The following SCAI variants were observed in gnomAD, a reference collection of about 807,000 sequenced individuals.
SCAI encodes the protein protein SCAI.
Under a neutral mutation model 92.2 loss-of-function variants are expected in SCAI, and 24 were observed. The observed-to-expected ratio is 0.26, with a 90% CI of 0.19 to 0.37. The LOEUF is 0.37. Among genes scored for constraint, SCAI ranks in the 10% least tolerant of loss-of-function variants. SCAI has a pLI of 1.00. For missense variants in SCAI, 450 were observed against 736.2 expected (o/e 0.61, Z 4.50); for synonymous variants, 261 against 258.6 (o/e 1.01, Z -0.09).
At chr9:125,011,610 C>CA (rs766611509) in intron 9 of SCAI, among the ~76,000 whole-genome samples, 12 of 152,240 alleles carry the variant, frequency 7.9e-5, no homozygotes, top group Admixed American at 3.9e-4. Context: ...AAACACTCTG[C>CA]GGATATTATC....
At chr9:125,124,350 A>G (rs1353970714) in intron 2 of SCAI, among the ~76,000 whole-genome samples, 2 of 152,182 alleles carry the variant, frequency 1.3e-5, no homozygotes, top group Admixed American at 6.6e-5. Context: ...TGGAGGCTGA[A>G]AAGTCCCAAG....
chr9:125,077,590 A>T (rs1342059754), intron 2 of SCAI, among the ~76,000 whole-genome samples: 1 of 152,234 alleles, frequency 6.6e-6, no homozygotes, highest in East Asian at 1.9e-4. Context: ...GTACTTCTCC[A>T]CATCCTCAAC....
chr9:125,117,087 T>C (rs536875389), intron 2 of SCAI, among the ~76,000 whole-genome samples: 1 of 152,324 alleles, frequency 6.6e-6, no homozygotes, highest in Admixed American at 6.5e-5. Context: ...AAGAGGTTTT[T>C]TTTCACTCAG....
At chr9:125,009,549 T>C (rs938020554) in intron 9 of SCAI, among the ~76,000 whole-genome samples, 7 of 151,320 alleles carry the variant, frequency 4.6e-5, no homozygotes, top group Non-Finnish European at 8.8e-5. Flanking sequence ...TGAGCCACCA[T>C]GCCCAAAGGC....
At chr9:125,004,444 T>C (rs1426081843) in intron 9 of SCAI, among the ~76,000 whole-genome samples, 1 of 150,938 alleles carries the variant, frequency 6.6e-6, no homozygotes, top group Non-Finnish European at 1.5e-5. Context: ...TTCTCCTGCC[T>C]CAGTCTCTGG....
chr9:125,083,517 CAA>C (rs560240303), intron 2 of SCAI, among the ~76,000 whole-genome samples: 10 of 49,146 alleles, frequency 2.0e-4, no homozygotes, highest in Admixed American at 2.2e-4. Flanking sequence ...GACTCCATCT[CAA>C]AAAAAAAAAA....
chr9:125,054,370 G>A (rs978049885), intron 3 of SCAI, among the ~76,000 whole-genome samples: 1 of 152,184 alleles, frequency 6.6e-6, no homozygotes, highest in Non-Finnish European at 1.5e-5. Flanking sequence ...GCTGAGGCTT[G>A]CTGTGAGCAG....
At chr9:125,001,865 T>G in intron 12 of SCAI, 100 bp downstream of exon 12, 4 of 776,878 alleles carry the variant, frequency 5.1e-6, no homozygotes, top group Non-Finnish European at 8.5e-6. Context: ...GAAGTCTGTC[T>G]AGAAAGGCTG....
At chr9:125,021,428 A>G (rs1022296051) in intron 6 of SCAI, among the ~76,000 whole-genome samples, 3 of 152,122 alleles carry the variant, frequency 2.0e-5, no homozygotes, top group African/African-American at 7.2e-5. Flanking sequence ...GGTTAATCAA[A>G]TATTTTTTAG....
chr9:124,978,391 A>G (rs1831806087), intron 14 of SCAI, among the ~76,000 whole-genome samples: 1 of 152,224 alleles, frequency 6.6e-6, no homozygotes, highest in African/African-American at 2.4e-5. Flanking sequence ...CAGGGAGCCA[A>G]GATCGCACCA....
At chr9:125,046,552 C>G (rs1014440587) in intron 3 of SCAI, among the ~76,000 whole-genome samples, 1 of 149,986 alleles carries the variant, frequency 6.7e-6, no homozygotes, top group South Asian at 2.1e-4. Context: ...GGGACTCTCA[C>G]GATAGGGTAG....
At chr9:125,042,634 T>TGTGTGTACACACAC (rs761672178) in intron 3 of SCAI, among the ~76,000 whole-genome samples, 21 of 96,216 alleles carry the variant, frequency 2.2e-4, no homozygotes, top group African/African-American at 7.8e-4. Flanking sequence ...TGTGTGTGTG[T>TGTGTGTACACACAC]ACACACACAC....
At chr9:125,077,132 CCA>C (rs1834106766) in intron 2 of SCAI, among the ~76,000 whole-genome samples, 1 of 152,194 alleles carries the variant, frequency 6.6e-6, no homozygotes, top group Non-Finnish European at 1.5e-5. Flanking sequence ...GAGCCAGTCC[CCA>C]CTCATATGGT....
chr9:125,037,572 C>G (rs539799027), intron 3 of SCAI, among the ~76,000 whole-genome samples: 29 of 152,228 alleles, frequency 1.9e-4, no homozygotes, highest in African/African-American at 7.0e-4. Flanking sequence ...AATTGTATTT[C>G]TGTTTCATTG....
rs140383735 is a variant in SCAI, at chr9:125,109,770, G to A, written c.98+32863C>T. ...GATGTGATCTCGGCTCACTGCAACC[G>A]CCACCTTCCAGGTTCAAGCAATTCT... On this transcript the variant is annotated intron_variant, in intron 2 of 17. Coordinates refer to ENST00000336505, the MANE Select transcript of SCAI (RefSeq NM_001144877.3). Among the ~76,000 whole-genome samples the A allele has an allele frequency of 5.7e-3, 860 of 152,024 alleles. 11 individuals carry two copies. Among genetic ancestry groups the A allele is most frequent in the African/African-American group, 0.019 (804 of 41,456 alleles).
At chr9:125,092,777 C>T (rs1834461719) in intron 2 of SCAI, among the ~76,000 whole-genome samples, 1 of 152,214 alleles carries the variant, frequency 6.6e-6, no homozygotes, top group Non-Finnish European at 1.5e-5. Flanking sequence ...CTTTCTAGCT[C>T]ACATGCTCCT....
chr9:125,011,905 C>A (rs993430071), intron 9 of SCAI, among the ~76,000 whole-genome samples: 1 of 152,126 alleles, frequency 6.6e-6, no homozygotes, highest in Admixed American at 6.6e-5. Context: ...GAATTTTCAA[C>A]CCAGAATTTC....
chr9:125,096,058 T>C (rs1346419667), intron 2 of SCAI, among the ~76,000 whole-genome samples: 1 of 152,194 alleles, frequency 6.6e-6, no homozygotes, highest in Admixed American at 6.5e-5. Context: ...CTGCCAGCAC[T>C]TCCTGGACAT....
intron 3 of SCAI, among the ~76,000 whole-genome samples, chr9:125,038,580 T>C (rs1833250272): frequency 6.6e-6 from 1 of 152,258 alleles, no homozygotes; most frequent in African/African-American, 2.4e-5. Context: ...TTTTAAAATT[T>C]CATCTTTACT....
Sources: allele counts gnomAD v4.1 joint callset (sites outside exome capture counted in the v4.1 genomes callset), GRCh38; gene constraint gnomAD v4.1.1; transcripts MANE v1.5; gene names NCBI Gene and HGNC (gene_info 2026-07-23, HGNC 2026-07-21).